Variants in LAMA3 observed in about 807,000 individuals in gnomAD.
LAMA3 encodes laminin subunit alpha 3.
LAMA3 carries 281 observed loss-of-function variants against 402.0 expected under a neutral mutation model. That is an observed-to-expected ratio of 0.70 (90% confidence interval 0.63 to 0.77). LAMA3 has a LOEUF of 0.77. LAMA3 is among the 30% of genes least tolerant of loss of function. LAMA3 has a pLI of 0.00. For missense variants in LAMA3, 3,840 were observed against 4,215.5 expected, an observed-to-expected ratio of 0.91 and a Z score of 2.47; for synonymous variants, 1,431 against 1,558.4, an observed-to-expected ratio of 0.92 and a Z score of 1.93.
chr18:23,849,422 A>G (rs1428244808), intron 32 of LAMA3, among the ~76,000 whole-genome samples: 2 of 152,224 alleles, frequency 1.3e-5, no homozygotes, highest in African/African-American at 2.4e-5. Context: ...AAAGGAACCA[A>G]GGGGGAGATG....
At chr18:23,746,640 T>C (rs1041005932) in intron 2 of LAMA3, among the ~76,000 whole-genome samples, 6 of 152,042 alleles carry the variant, frequency 3.9e-5, no homozygotes, top group Non-Finnish European at 7.3e-5. Context: ...TATGCTAACA[T>C]GTAAAATGTT....
intron 14 of LAMA3, among the ~76,000 whole-genome samples, chr18:23,813,582 CGCCCA>C (rs2063118967): frequency 1.0e-5 from 1 of 100,308 alleles, no homozygotes; most frequent in South Asian, 3.1e-4. Context: ...TTGCTCTTGT[CGCCCA>C]GGCCGGAGTG....
At position 23,730,824 on chromosome 18, in the gene LAMA3, G is replaced by A. The variant is rs918133241; in HGVS notation, c.447+16752G>A. 5.9e-5 allele frequency among the ~76,000 whole-genome samples: 9 copies of A among 152,090 alleles called. No homozygotes were observed. In the East Asian group the frequency reaches 1.7e-3, roughly 29 times the overall value. On this transcript the variant is annotated intron_variant, in intron 2 of 74. Transcript: ENST00000313654. ...TATTTTACCTTTATGATTATTCTAAGCCTGAAAAATTTGTATATTCATACA... is the reference window on the plus strand; with the variant it reads ...TATTTTACCTTTATGATTATTCTAAACCTGAAAAATTTGTATATTCATACA...
intron 8 of LAMA3, among the ~76,000 whole-genome samples, chr18:23,771,533 T>C (rs187115514): frequency 1.6e-3 from 238 of 152,352 alleles, no homozygotes; most frequent in Admixed American, 4.4e-3. Flanking sequence ...GTACAATTAA[T>C]AGTTTTGCAC....
intron 12 of LAMA3, among the ~76,000 whole-genome samples, chr18:23,794,649 C>T (rs2062727375): frequency 6.6e-6 from 1 of 152,144 alleles, no homozygotes; most frequent in South Asian, 2.1e-4. Flanking sequence ...CCCTGCAACT[C>T]CTAGAGTTTT....
chr18:23,872,147 G>T (rs569651251), intron 38 of LAMA3, among the ~76,000 whole-genome samples: 30 of 152,260 alleles, frequency 2.0e-4, no homozygotes, highest in Non-Finnish European at 4.1e-4. Flanking sequence ...CAGCATCTTA[G>T]TATTTGAGCC....
At chr18:23,886,726 G>A (rs2065086238) in intron 41 of LAMA3, among the ~76,000 whole-genome samples, 1 of 152,186 alleles carries the variant, frequency 6.6e-6, no homozygotes, top group African/African-American at 2.4e-5. Flanking sequence ...TGTTTAACCG[G>A]AAAATGAATT....
chr18:23,879,492 G>A lies in LAMA3; in HGVS notation c.5113-2444G>A, dbSNP rs1004185710. Among the ~76,000 whole-genome samples, 10 of 152,130 alleles carry A rather than the reference G, an allele frequency of 6.6e-5. No individual in the cohort carries two copies. Among genetic ancestry groups the A allele is most frequent in the South Asian group, 4.1e-4 (2 of 4,828 alleles). On this transcript the variant is annotated intron_variant, in intron 39 of 74. Coordinates refer to ENST00000313654, the MANE Select transcript of LAMA3 (RefSeq NM_198129.4). This position sits in a 1 kb window ranked among gnomAD's most constrained non-coding sequence, Gnocchi z 4.2. ...CTATTTTCCACGTGATATTGAATAC[G>A]TCTATTCACAGGACTACATGTACCC...
At chr18:23,936,261 T>G (rs1267743022) in intron 67 of LAMA3, among the ~76,000 whole-genome samples, 1 of 151,812 alleles carries the variant, frequency 6.6e-6, no homozygotes, top group Admixed American at 6.6e-5. Flanking sequence ...TATTATACTT[T>G]AAGTTCTAGG....
At chr18:23,723,478 T>C (rs2061247564) in intron 2 of LAMA3, among the ~76,000 whole-genome samples, 1 of 151,378 alleles carries the variant, frequency 6.6e-6, no homozygotes, top group African/African-American at 2.4e-5. Flanking sequence ...CTAGACTGTA[T>C]GGAATGATCA....
At chr18:23,816,256 ACAG>A in intron 17 of LAMA3, 129 bp from the exon 18 acceptor site, 1 of 733,250 alleles carries the variant, frequency 1.4e-6, no homozygotes, top group South Asian at 1.5e-5. Context: ...CACTTGCCAG[ACAG>A]ATGTGGCAGA....
At chr18:23,888,526 T>C (rs1347847548) in intron 41 of LAMA3, among the ~76,000 whole-genome samples, 1 of 152,152 alleles carries the variant, frequency 6.6e-6, no homozygotes, top group Non-Finnish European at 1.5e-5. Context: ...ATGGAGCTTA[T>C]ATTTTCATGG....
intron 70 of LAMA3, among the ~76,000 whole-genome samples, chr18:23,949,076 A>C (rs531494541): frequency 6.5e-4 from 99 of 152,288 alleles, no homozygotes; most frequent in South Asian, 2.3e-3. Context: ...GAGAGCACAG[A>C]ACCCCACAAG....
chr18:23,821,569 C>T (rs904995402), intron 19 of LAMA3, among the ~76,000 whole-genome samples: 2 of 152,236 alleles, frequency 1.3e-5, no homozygotes, highest in African/African-American at 4.8e-5. Context: ...AAATAGTCTA[C>T]TCTTTCCTTC....
At chr18:23,720,406 G>A (rs1425528151) in intron 2 of LAMA3, among the ~76,000 whole-genome samples, 1 of 152,066 alleles carries the variant, frequency 6.6e-6, no homozygotes, top group African/African-American at 2.4e-5. Context: ...CCAGGCTGGA[G>A]TGCAGTGGCG....
intron 47 of LAMA3, among the ~76,000 whole-genome samples, chr18:23,900,126 A>T (rs981607976): frequency 6.6e-6 from 1 of 151,976 alleles, no homozygotes; most frequent in South Asian, 2.1e-4. Flanking sequence ...GCTGGAGTGC[A>T]GTAGTGTGAT....
chr18:23,846,423 T>G lies in LAMA3; in HGVS notation c.3846T>G (p.Gly1282=). 1 of 1,613,938 alleles carries G rather than the reference T, an allele frequency of 6.2e-7. No homozygotes were observed. Among genetic ancestry groups the G allele is most frequent in the Non-Finnish European group, 8.5e-7 (1 of 1,180,012 alleles). The change falls in exon 31 of 75, where the codon GGT becomes GGG. Residue 1282 remains glycine, a synonymous_variant. Transcript: ENST00000313654. ...CCGGCCCTCACTGCAGCCCTGAGGG[T>G]GGGCAGTGCCCATGCCAGCCCAACG... The part of the protein sequence containing the change: ...GATGPHCSPE[G]GQCPCQPNVI...
intron 11 of LAMA3, among the ~76,000 whole-genome samples, chr18:23,783,487 G>A (rs763863228): frequency 6.6e-6 from 1 of 152,174 alleles, no homozygotes; most frequent in Non-Finnish European, 1.5e-5. Context: ...CAGGCAGAGG[G>A]ATTGGCCTGA....
chr18:23,916,458 A>AT lies in LAMA3; in HGVS notation c.7779-88dup, dbSNP rs1291186817. 4 of 1,452,718 alleles carry AT rather than the reference A, an allele frequency of 2.8e-6. No homozygotes were observed. In the African/African-American group the frequency reaches 4.2e-5, roughly 15 times the overall value. 90.0% of individuals were successfully genotyped at this position (1,452,718 alleles called of 1,614,324 possible). A position where few individuals can be genotyped will look rare whatever the true frequency, so the allele number is the denominator to read the frequency against. On this transcript the variant is annotated intron_variant, in intron 59 of 74. Transcript: ENST00000313654. ...AACTAGATTGCATTTTCTTGGCTCC[A>AT]TTTTTCAGATAGCAACATCTTGTAT...
Sources: gnomAD v4.1 joint callset for allele counts (sites outside exome capture counted in the v4.1 genomes callset) on GRCh38, gnomAD v4.1.1 for gene constraint, Gnocchi (gnomAD v3.1) non-coding constraint, MANE v1.5 for transcripts, NCBI Gene and HGNC (gene_info 2026-07-23, HGNC 2026-07-21) for gene names.